CCDC73: variants seen among roughly 807,000 people sequenced by gnomAD.
The protein encoded by CCDC73 is coiled-coil domain containing 73.
Under a neutral mutation model 116.5 loss-of-function variants are expected in CCDC73, and 95 were observed. The observed-to-expected ratio is 0.82, with a 90% CI of 0.69 to 0.97. The LOEUF is 0.97. Ranked by LOEUF, CCDC73 falls within the 50% of genes least tolerant of loss-of-function variation. The probability of loss-of-function intolerance (pLI) is 0.00; values close to 1 mark genes in which losing one functional copy is unlikely to be tolerated. For missense variants in CCDC73, 1,066 were observed against 1,206.8 expected, an observed-to-expected ratio of 0.88 and a Z score of 1.73; for synonymous variants, 398 against 401.3, an observed-to-expected ratio of 0.99 and a Z score of 0.10.
chr11:32,786,552 TATA>T (rs900506709), intron 1 of CCDC73, among the ~76,000 whole-genome samples: 38 of 148,516 alleles, frequency 2.6e-4, no homozygotes, highest in African/African-American at 8.8e-4. Context: ...ATAAGGCCAA[TATA>T]ATATTATAAA....
intron 2 of CCDC73, among the ~76,000 whole-genome samples, chr11:32,724,834 G>C (rs75310374): frequency 0.03 from 4,539 of 152,210 alleles, 87 homozygotes; most frequent in Non-Finnish European, 0.039. Context: ...TGCTATTACT[G>C]TGCATCCCCA....
intron 9 of CCDC73, among the ~76,000 whole-genome samples, chr11:32,663,530 G>C (rs1855950528): frequency 6.6e-6 from 1 of 152,168 alleles, no homozygotes; most frequent in Admixed American, 6.5e-5. Flanking sequence ...CATTGATTTT[G>C]TATCCTGAGA....
intron 7 of CCDC73, among the ~76,000 whole-genome samples, chr11:32,678,295 A>G (rs1856109861): frequency 6.6e-6 from 1 of 152,064 alleles, no homozygotes; most frequent in Admixed American, 6.6e-5. Flanking sequence ...AAAAAAGAAA[A>G]GAAAAACCAA....
intron 1 of CCDC73, among the ~76,000 whole-genome samples, chr11:32,774,222 T>C (rs931847064): frequency 1.3e-5 from 2 of 150,704 alleles, no homozygotes; most frequent in East Asian, 4.0e-4. Flanking sequence ...TCTATAGATA[T>C]ATTTTCAACA....
chr11:32,702,968 TAAAACACA>T, intron 3 of CCDC73, 24 bp from the exon 4 acceptor site: 1 of 1,507,892 alleles, frequency 6.6e-7, no homozygotes, highest in Non-Finnish European at 9.2e-7. Flanking sequence ...TATGACAAGT[TAAAACACA>T]AATTCTAGCA....
intron 14 of CCDC73, among the ~76,000 whole-genome samples, chr11:32,634,619 C>T (rs1418324787): frequency 6.6e-6 from 1 of 152,168 alleles, no homozygotes; most frequent in African/African-American, 2.4e-5. Flanking sequence ...TGCCCACTCT[C>T]ACAATTGTTA....
rs1425756316 is a variant in CCDC73, at chr11:32,777,011, AT to A, written c.-15-16754del. ...CATGTATATATATATATATATATAT[AT>A]ATATATATATAATTGAACTTAAAGT... On this transcript the variant is annotated intron_variant, in intron 1 of 17. Transcript: ENST00000335185. Among the ~76,000 whole-genome samples the A allele has an allele frequency of 6.7e-3, 953 of 142,300 alleles. 21 individuals are homozygous for A. The highest frequency in any genetic ancestry group is 0.024 in the African/African-American group (917 of 38,738). The allele number at this position is 142,300 out of a possible 152,430, so 93.4% of individuals were successfully genotyped here. A position where few individuals can be genotyped will look rare whatever the true frequency, so the allele number is the denominator to read the frequency against.
chr11:32,663,271 G>T (rs2133273363), intron 9 of CCDC73, among the ~76,000 whole-genome samples: 1 of 152,256 alleles, frequency 6.6e-6, no homozygotes, highest in Middle Eastern at 3.4e-3. Flanking sequence ...ATTACCTTTG[G>T]CAGTATGGCC....
chr11:32,738,009 T>C (rs1406693582), intron 2 of CCDC73, among the ~76,000 whole-genome samples: 2 of 152,208 alleles, frequency 1.3e-5, no homozygotes, highest in Non-Finnish European at 2.9e-5. Context: ...ATCCGTGTTG[T>C]TGCAAGTAAT....
At chr11:32,800,665 T>C in the CCDC73 span, among the ~76,000 whole-genome samples, 2 of 152,174 alleles carry the variant, frequency 1.3e-5, no homozygotes, top group African/African-American at 2.4e-5. Context: ...TTAATTAAGA[T>C]GGAAACTTCA....
At chr11:32,780,980 T>A (rs902694907) in intron 1 of CCDC73, among the ~76,000 whole-genome samples, 26 of 152,050 alleles carry the variant, frequency 1.7e-4, no homozygotes, top group African/African-American at 4.3e-4. Flanking sequence ...CAAAAAGTTT[T>A]AAAAGTTACC....
intron 3 of CCDC73, among the ~76,000 whole-genome samples, chr11:32,716,860 G>A (rs1301396667): frequency 2.0e-5 from 3 of 152,202 alleles, no homozygotes; most frequent in Non-Finnish European, 4.4e-5. Flanking sequence ...ACTGCAGTTG[G>A]TCATTAAATT....
chr11:32,754,869 T>C (rs1850318102), intron 2 of CCDC73, among the ~76,000 whole-genome samples: 1 of 145,280 alleles, frequency 6.9e-6, no homozygotes, highest in African/African-American at 2.5e-5. Context: ...ACACAGAAGA[T>C]GGCTTCAACT....
At chr11:32,639,999 T>C (rs1401519924) in intron 13 of CCDC73, among the ~76,000 whole-genome samples, 18 of 152,206 alleles carry the variant, frequency 1.2e-4, no homozygotes, top group Non-Finnish European at 2.9e-5. Flanking sequence ...GTTTACATGA[T>C]TCCAATTTAT....
intron 14 of CCDC73, among the ~76,000 whole-genome samples, chr11:32,625,199 A>G (rs909382103): frequency 6.6e-6 from 1 of 152,174 alleles, no homozygotes; most frequent in African/African-American, 2.4e-5. Flanking sequence ...GGTTTCCTGA[A>G]TACAGCACAT....
At chr11:32,784,284 G>A (rs1263675392) in intron 1 of CCDC73, among the ~76,000 whole-genome samples, 2 of 151,554 alleles carry the variant, frequency 1.3e-5, no homozygotes, top group African/African-American at 2.4e-5. Context: ...AGCCAAGATC[G>A]CGCCACTGCA....
intron 6 of CCDC73, among the ~76,000 whole-genome samples, chr11:32,695,007 C>T (rs1255038288): frequency 6.6e-6 from 1 of 152,128 alleles, no homozygotes; most frequent in African/African-American, 2.4e-5. Flanking sequence ...CCTTGTGGTA[C>T]CCTTCTGAAA....
At chr11:32,610,699 G>A (rs1855414265) in intron 17 of CCDC73, among the ~76,000 whole-genome samples, 1 of 152,028 alleles carries the variant, frequency 6.6e-6, no homozygotes, top group African/African-American at 2.4e-5. Context: ...CCTTTCACAC[G>A]TGTTCTAATT....
At chr11:32,619,416 A>G (rs552845455) in intron 14 of CCDC73, among the ~76,000 whole-genome samples, 1 of 152,236 alleles carries the variant, frequency 6.6e-6, no homozygotes, top group Non-Finnish European at 1.5e-5. Flanking sequence ...CATGCCTGTA[A>G]TCCCAGTGTT....
Sources: allele counts gnomAD v4.1 joint callset (sites outside exome capture counted in the v4.1 genomes callset), GRCh38; gene constraint gnomAD v4.1.1; transcripts MANE v1.5; gene names NCBI Gene and HGNC (gene_info 2026-07-23, HGNC 2026-07-21).